The following MYO6 variants were observed in gnomAD, a reference collection of about 807,000 sequenced individuals.
The protein encoded by MYO6 is myosin VI, also known as unconventional myosin-VI.
MYO6 carries 74 observed loss-of-function variants against 178.7 expected under a neutral mutation model. The ratio of observed to expected loss-of-function variants is 0.41; its 90% CI spans 0.34 to 0.50. The LOEUF is 0.50. Among genes scored for constraint, MYO6 ranks in the 20% least tolerant of loss-of-function variants. The pLI is 0.09. For synonymous variants in MYO6, 477 were observed against 504.6 expected (o/e 0.95, Z 0.73); for missense variants, 1,330 against 1,547.4 (o/e 0.86, Z 2.36).
At position 75,879,954 on chromosome 6, in the gene MYO6, T is replaced by TA; in HGVS notation, c.2208+7dup. On this transcript the variant is annotated splice_donor_region_variant and intron_variant, in intron 21 of 34. Coordinates refer to ENST00000369977, the MANE Select transcript of MYO6 (RefSeq NM_004999.4). ...GGATCCAAGACTATTTTGTAAGGTATAAATGCCACCCAAATTGAAATTTCT... is the reference window on the plus strand; with the variant it reads ...GGATCCAAGACTATTTTGTAAGGTATAAAATGCCACCCAAATTGAAATTTCT... The TA allele has an allele frequency of 6.2e-7, 1 of 1,614,156 alleles. No individual in the cohort carries two copies.
intron 30 of MYO6, among the ~76,000 whole-genome samples, chr6:75,899,319 C>G (rs1360342250): frequency 6.6e-6 from 1 of 151,992 alleles, no homozygotes; most frequent in Admixed American, 6.6e-5. Context: ...AATTATAAAA[C>G]TGTATATTAT....
chr6:75,771,766 A>G (rs1765916322), intron 1 of MYO6, among the ~76,000 whole-genome samples: 1 of 152,174 alleles, frequency 6.6e-6, no homozygotes, highest in Non-Finnish European at 1.5e-5. Flanking sequence ...ATTAAGTCCC[A>G]TATCTTGGAG....
intron 1 of MYO6, among the ~76,000 whole-genome samples, chr6:75,816,352 A>G (rs1771243434): frequency 6.6e-6 from 1 of 152,224 alleles, no homozygotes; most frequent in Non-Finnish European, 1.5e-5. Flanking sequence ...AAAAGGAGTC[A>G]TGAGACAACT....
intron 1 of MYO6, among the ~76,000 whole-genome samples, chr6:75,805,000 C>CATATATATAT (rs1421900058): frequency 6.1e-5 from 4 of 65,638 alleles, no homozygotes; most frequent in South Asian, 5.1e-4. Flanking sequence ...TATACACACA[C>CATATATATAT]ACATATATAT....
chr6:75,908,121 T>C (rs1300719457), intron 31 of MYO6, among the ~76,000 whole-genome samples: 1 of 152,186 alleles, frequency 6.6e-6, no homozygotes, highest in African/African-American at 2.4e-5. Context: ...TGCATAATTA[T>C]AAAAAATGTC....
At chr6:75,814,098 G>T (rs529647188) in intron 1 of MYO6, among the ~76,000 whole-genome samples, 1 of 152,158 alleles carries the variant, frequency 6.6e-6, no homozygotes, top group South Asian at 2.1e-4. Context: ...CAGTCCTTGT[G>T]GTCTAGACTG....
In MYO6 at chr6:75,916,050, A is replaced by C. The variant is rs1180046700; in HGVS notation, c.*1038A>C. 6.6e-6 allele frequency: 1 copy of C among 152,458 alleles called. No individual in the cohort carries two copies. The highest frequency in any genetic ancestry group is 1.5e-5 in the Non-Finnish European group (1 of 68,036). 9.4% of individuals were successfully genotyped at this position (152,458 alleles called of 1,614,324 possible). Reference sequence around the variant, plus strand: ...TATTTAGTAAGTGCTTGTTTTACATAACTGATAATTTTAAAATGTTTTCTT... The same window carrying C: ...TATTTAGTAAGTGCTTGTTTTACATCACTGATAATTTTAAAATGTTTTCTT... On this transcript the variant is annotated 3_prime_UTR_variant, in exon 35 of 35. Transcript: ENST00000369977.
chr6:75,888,971 A>C (rs1315138158), intron 25 of MYO6, among the ~76,000 whole-genome samples: 2 of 152,162 alleles, frequency 1.3e-5, no homozygotes, highest in Admixed American at 1.3e-4. Flanking sequence ...ATGCTTGTTA[A>C]TTATATTTCA....
At chr6:75,823,686 G>C (rs1373522354) in intron 3 of MYO6, among the ~76,000 whole-genome samples, 1 of 152,246 alleles carries the variant, frequency 6.6e-6, no homozygotes, top group African/African-American at 2.4e-5. Context: ...AATGGTGGCA[G>C]CATAGACTAG....
chr6:75,763,839 CA>C (rs1778162105), intron 1 of MYO6, among the ~76,000 whole-genome samples: 1 of 152,106 alleles, frequency 6.6e-6, no homozygotes, highest in South Asian at 2.1e-4. Flanking sequence ...AGTTGAAAGA[CA>C]AACTAGTCTT....
chr6:75,834,736 T>C (rs1387456063), intron 6 of MYO6, among the ~76,000 whole-genome samples: 1 of 142,608 alleles, frequency 7.0e-6, no homozygotes, highest in Non-Finnish European at 1.6e-5. Flanking sequence ...AAGTTTGCTA[T>C]TCATTATGTA....
At chr6:75,884,555 T>C (rs1778280808) in intron 23 of MYO6, among the ~76,000 whole-genome samples, 1 of 152,200 alleles carries the variant, frequency 6.6e-6, no homozygotes, top group Non-Finnish European at 1.5e-5. Flanking sequence ...AGATAGGAAT[T>C]GCAGTAGAGA....
intron 29 of MYO6, 67 bp from the exon 30 acceptor site, chr6:75,898,306 G>T: frequency 9.8e-7 from 1 of 1,024,028 alleles, no homozygotes; most frequent in South Asian, 1.5e-5. Context: ...TATACTTTTA[G>T]ATCTTTTAAT....
chr6:75,829,079 G>A (rs191011987), intron 4 of MYO6, among the ~76,000 whole-genome samples: 2 of 152,190 alleles, frequency 1.3e-5, no homozygotes, highest in Admixed American at 6.5e-5. Flanking sequence ...AGAATAGGAG[G>A]TAGTATCTGA....
At chr6:75,760,952 T>A (rs1777890743) in intron 1 of MYO6, among the ~76,000 whole-genome samples, 1 of 151,648 alleles carries the variant, frequency 6.6e-6, no homozygotes, top group South Asian at 2.1e-4. Flanking sequence ...TTCCTTGTTA[T>A]TTTTTTTCTA....
intron 30 of MYO6, among the ~76,000 whole-genome samples, chr6:75,899,313 A>G (rs1316637960): frequency 1.3e-5 from 2 of 152,144 alleles, no homozygotes; most frequent in African/African-American, 4.8e-5. Context: ...TCTGACAATT[A>G]TAAAACTGTA....
chr6:75,763,107 A>G (rs573512512), intron 1 of MYO6, among the ~76,000 whole-genome samples: 3 of 150,732 alleles, frequency 2.0e-5, no homozygotes, highest in South Asian at 2.1e-4. Context: ...GCTCACTGCA[A>G]CCTCCACCGT....
At chr6:75,774,371 C>T (rs923799284) in intron 1 of MYO6, among the ~76,000 whole-genome samples, 1 of 151,916 alleles carries the variant, frequency 6.6e-6, no homozygotes, top group African/African-American at 2.4e-5. Flanking sequence ...AATTGATAGA[C>T]CCATAATCCA....
At chr6:75,884,219 A>G (rs2149353079) in intron 23 of MYO6, among the ~76,000 whole-genome samples, 1 of 152,354 alleles carries the variant, frequency 6.6e-6, no homozygotes, top group East Asian at 1.9e-4. Flanking sequence ...AGGTCAGATC[A>G]TCCTAGGAAA....
Sources: allele counts gnomAD v4.1 joint callset (sites outside exome capture counted in the v4.1 genomes callset), GRCh38; gene constraint gnomAD v4.1.1; transcripts MANE v1.5; gene names NCBI Gene and HGNC (gene_info 2026-07-23, HGNC 2026-07-21).